The following HHIPL1 variants were observed in gnomAD, a reference collection of about 807,000 sequenced individuals.
The protein encoded by HHIPL1 is HHIP like 1.
A neutral mutation model predicts 61.8 loss-of-function variants in HHIPL1; 43 were observed. That is an observed-to-expected ratio of 0.70 (90% CI 0.55 to 0.90). The LOEUF is 0.90. Among genes scored for constraint, HHIPL1 ranks in the 40% least tolerant of loss-of-function variants. The probability of loss-of-function intolerance (pLI) is 0.00; values close to 1 mark genes in which losing one functional copy is unlikely to be tolerated. For missense variants in HHIPL1, 1,056 were observed against 1,157.7 expected (o/e 0.91, Z 1.28); for synonymous variants, 482 against 515.8 (o/e 0.93, Z 0.89).
At chr14:99,624,154 G>A in the HHIPL1 span, among the ~76,000 whole-genome samples, 1 of 152,184 alleles carries the variant, frequency 6.6e-6, no homozygotes, top group Admixed American at 6.5e-5. Flanking sequence ...AGACCAGGAT[G>A]GGAACCAGAG....
intron 8 of HHIPL1, among the ~76,000 whole-genome samples, chr14:99,674,300 A>T (rs2056360764): frequency 6.6e-6 from 1 of 152,032 alleles, no homozygotes; most frequent in Non-Finnish European, 1.5e-5. Flanking sequence ...AGCTGGGCAC[A>T]GCAAAGTGTA....
rs199697537 is a variant in HHIPL1 at position 99,660,428 on chromosome 14, C to T, written c.1502+22C>T. On this transcript the variant is annotated intron_variant, in intron 5 of 8. Transcript: ENST00000330710. The surrounding 1 kb of genome is among the most constrained non-coding windows in gnomAD (Gnocchi z 4.9). ...GCGGGTAAGTGACCTAGTGCCCTCG[C>T]GCCCCTGGCTGCTGCCACTGGCTCC... 1.9e-6 allele frequency: 3 copies of T among 1,601,390 alleles called. No individual in the cohort carries two copies. Among genetic ancestry groups the T allele is most frequent in the South Asian group, 1.1e-5 (1 of 89,860 alleles).
the HHIPL1 span, among the ~76,000 whole-genome samples, chr14:99,616,649 G>C: frequency 4.6e-5 from 7 of 152,096 alleles, no homozygotes; most frequent in Non-Finnish European, 8.8e-5. Context: ...AGATAAGGCA[G>C]GGACTTTTTT....
intron 7 of HHIPL1, among the ~76,000 whole-genome samples, chr14:99,670,364 G>A (rs1490874790): frequency 6.6e-6 from 1 of 152,028 alleles, no homozygotes; most frequent in Admixed American, 6.6e-5. Context: ...GGCCCACCTC[G>A]GCCTCCCAAA....
chr14:99,636,987 A>T, the HHIPL1 span, among the ~76,000 whole-genome samples: 1 of 140,744 alleles, frequency 7.1e-6, no homozygotes, highest in Non-Finnish European at 1.5e-5. Context: ...AAAGGAAAGA[A>T]AGAAGAAAGA....
chr14:99,637,193 A>C, the HHIPL1 span, among the ~76,000 whole-genome samples: 1 of 83,848 alleles, frequency 1.2e-5, no homozygotes, highest in Non-Finnish European at 2.4e-5. Context: ...AGAATGGAAG[A>C]AAGAAAGGAA....
At chr14:99,674,326 C>T (rs1408881527) in intron 8 of HHIPL1, among the ~76,000 whole-genome samples, 1 of 148,492 alleles carries the variant, frequency 6.7e-6, no homozygotes, top group Admixed American at 6.7e-5. Flanking sequence ...AGGTCTATCC[C>T]TGTGGCTGAC....
intron 3 of HHIPL1, among the ~76,000 whole-genome samples, 170 bp from the exon 4 acceptor site, chr14:99,659,258 G>A (rs531093396): frequency 6.6e-5 from 10 of 152,324 alleles, no homozygotes; most frequent in African/African-American, 2.4e-4. Context: ...ATGGTTACCC[G>A]GCTGTAAGTA....
At position 99,675,700 on chromosome 14, in the gene HHIPL1, C is replaced by G; in HGVS notation, c.*74C>G. 3 of 1,387,100 alleles carry G rather than the reference C, an allele frequency of 2.2e-6. No homozygotes were observed. Among genetic ancestry groups the G allele is most frequent in the Non-Finnish European group, 2.8e-6 (3 of 1,052,740 alleles). 85.9% of individuals were successfully genotyped at this position (1,387,100 alleles called of 1,614,324 possible). A position where few individuals can be genotyped will look rare whatever the true frequency, so the allele number is the denominator to read the frequency against. ...GGGGCCGCTCCGCCCTGTGTGCGCC[C>G]AGCGGGTGCACACGTGTTCTAGAGT... is the stretch of plus-strand genomic sequence containing the variant. On this transcript the variant is annotated 3_prime_UTR_variant, in exon 9 of 9. Coordinates refer to ENST00000330710, the MANE Select transcript of HHIPL1 (RefSeq NM_001127258.3). This position sits in a 1 kb window ranked among gnomAD's most constrained non-coding sequence, Gnocchi z 5.4.
the HHIPL1 span, among the ~76,000 whole-genome samples, chr14:99,630,869 C>T: frequency 3.3e-5 from 5 of 152,258 alleles, no homozygotes; most frequent in South Asian, 8.3e-4. Flanking sequence ...TGCTGGCAAT[C>T]CTGGTGTTCC....
At chr14:99,630,009 G>T in the HHIPL1 span, among the ~76,000 whole-genome samples, 1 of 152,136 alleles carries the variant, frequency 6.6e-6, no homozygotes, top group East Asian at 1.9e-4. Flanking sequence ...TCCCTTAAGT[G>T]GCCAATTCCC....
intron 2 of HHIPL1, among the ~76,000 whole-genome samples, chr14:99,654,620 A>G (rs2055998272): frequency 6.6e-6 from 1 of 152,244 alleles, no homozygotes. Flanking sequence ...GGCAAAGAAC[A>G]GCACATTGTG....
the HHIPL1 span, among the ~76,000 whole-genome samples, chr14:99,615,743 G>T: frequency 5.3e-5 from 8 of 152,184 alleles, no homozygotes; most frequent in Non-Finnish European, 8.8e-5. Context: ...AAGAAAAAAA[G>T]ACATGAGATT....
At chr14:99,647,540 C>G (rs2055861133) in intron 1 of HHIPL1, among the ~76,000 whole-genome samples, 1 of 152,222 alleles carries the variant, frequency 6.6e-6, no homozygotes, top group African/African-American at 2.4e-5. Context: ...TTTAAGCAAC[C>G]AGCAGTTAGC....
At chr14:99,649,949 C>T (rs776465759) in intron 1 of HHIPL1, among the ~76,000 whole-genome samples, 4 of 152,228 alleles carry the variant, frequency 2.6e-5, no homozygotes, top group Non-Finnish European at 4.4e-5. Context: ...ACAGCACACA[C>T]GGCGGCCTGA....
At chr14:99,622,573 C>T in the HHIPL1 span, among the ~76,000 whole-genome samples, 1 of 152,196 alleles carries the variant, frequency 6.6e-6, no homozygotes, top group Admixed American at 6.5e-5. Context: ...TTTTCCCATG[C>T]TCCCCCCAAC....
intron 8 of HHIPL1, among the ~76,000 whole-genome samples, chr14:99,673,952 G>C (rs951336070): frequency 6.6e-6 from 1 of 150,906 alleles, no homozygotes; most frequent in African/African-American, 2.4e-5. Flanking sequence ...GTGCACCGAG[G>C]GGGGTGGCAG....
At chr14:99,612,241 C>A in the HHIPL1 span, among the ~76,000 whole-genome samples, 2 of 152,142 alleles carry the variant, frequency 1.3e-5, no homozygotes, top group African/African-American at 4.8e-5. Flanking sequence ...AACTCACTGA[C>A]GATGAGAGAA....
chr14:99,631,794 C>T, the HHIPL1 span, among the ~76,000 whole-genome samples: 1 of 152,234 alleles, frequency 6.6e-6, no homozygotes, highest in East Asian at 1.9e-4. Context: ...CAACTCTGCC[C>T]TATCCCGCCC....
Sources: allele counts gnomAD v4.1 joint callset (sites outside exome capture counted in the v4.1 genomes callset), GRCh38; gene constraint gnomAD v4.1.1; non-coding constraint Gnocchi (gnomAD v3.1); transcripts MANE v1.5; gene names NCBI Gene and HGNC (gene_info 2026-07-23, HGNC 2026-07-21).